SMAD2: variants seen among roughly 807,000 people sequenced by gnomAD.
SMAD2 encodes MAD homolog 2.
Under a neutral mutation model 64.4 loss-of-function variants are expected in SMAD2, and 8 were observed. The ratio of observed to expected loss-of-function variants is 0.12; its 90% CI spans 0.07 to 0.22. SMAD2 has a LOEUF of 0.22. Ranked by LOEUF, SMAD2 falls within the 10% of genes least tolerant of loss-of-function variation. The pLI is 1.00. For synonymous variants in SMAD2, 203 were observed against 195.8 expected, an observed-to-expected ratio of 1.04 and a Z score of -0.31; for missense variants, 289 against 561.2, an observed-to-expected ratio of 0.51 and a Z score of 4.90.
chr18:47,814,501 C>G lies in SMAD2; in HGVS notation c.*27326G>C, dbSNP rs1245378317. On this transcript the variant is annotated 3_prime_UTR_variant, in exon 11 of 11. Coordinates refer to ENST00000262160, the MANE Select transcript of SMAD2 (RefSeq NM_005901.6). Reference sequence around the variant, plus strand: ...TGAGAATACGATGTGAGAAGAGTCTCTTCATTAGGCAGGAGTGGAATGACT... The same window carrying G: ...TGAGAATACGATGTGAGAAGAGTCTGTTCATTAGGCAGGAGTGGAATGACT... 2.0e-5 allele frequency: 3 copies of G among 152,168 alleles called. No individual in the cohort carries two copies. Among genetic ancestry groups the G allele is most frequent in the Non-Finnish European group, 4.4e-5 (3 of 68,040 alleles). 9.4% of individuals were successfully genotyped at this position (152,168 alleles called of 1,614,324 possible).
rs537280990 is a variant in SMAD2 at position 47,849,423 on chromosome 18, G to A, written c.785-736C>T. On this transcript the variant is annotated intron_variant, in intron 7 of 10. Transcript: ENST00000262160. The stretch of plus-strand genomic sequence containing the variant: ...AATAAATTCCAAACATGTAACAACC[G>A]AAGAGAAATTGTGAAATAGGGTAAA... 1.3e-4 allele frequency among the ~76,000 whole-genome samples: 20 copies of A among 151,730 alleles called. No homozygotes were observed. The South Asian group carries it at 3.3e-3, about 25-fold the overall frequency.
intron 5 of SMAD2, among the ~76,000 whole-genome samples, chr18:47,866,191 C>T (rs1210513883): frequency 2.0e-5 from 3 of 151,604 alleles, no homozygotes; most frequent in Admixed American, 6.6e-5. Context: ...TGGTGCATCC[C>T]TATAATTCCA....
Position 47,827,689 on chromosome 18 carries a change from C to T in SMAD2, c.*14138G>A. ...TGGAGACGGGGTTTCGCCGTGTTGG[C>T]CAGGCTGGTCTCCAGCTCCTGACCG... On this transcript the variant is annotated 3_prime_UTR_variant, in exon 11 of 11. Transcript: ENST00000262160. 1 of 159,130 alleles carries T rather than the reference C, an allele frequency of 6.3e-6. No homozygotes were observed. The highest frequency in any genetic ancestry group is 1.7e-4 in the South Asian group (1 of 5,784). 9.9% of individuals were successfully genotyped at this position (159,130 alleles called of 1,614,324 possible). A position where few individuals can be genotyped will look rare whatever the true frequency, so the allele number is the denominator to read the frequency against.
rs1225510513 is a variant in SMAD2 at position 47,824,792 on chromosome 18, T to C, written c.*17035A>G. Reference sequence around the variant, plus strand: ...TTTAATTTCAAACACCAAACTTAAATAGACTAATAACACAGATCTTCTGTG... The same window carrying C: ...TTTAATTTCAAACACCAAACTTAAACAGACTAATAACACAGATCTTCTGTG... On this transcript the variant is annotated 3_prime_UTR_variant, in exon 11 of 11. Transcript: ENST00000262160. 6.6e-6 allele frequency: 1 copy of C among 152,188 alleles called. No individual in the cohort carries two copies. Among genetic ancestry groups the C allele is most frequent in the African/African-American group, 2.4e-5 (1 of 41,438 alleles). The allele number at this position is 152,188 out of a possible 1,614,324, so 9.4% of individuals were successfully genotyped here. A position where few individuals can be genotyped will look rare whatever the true frequency, so the allele number is the denominator to read the frequency against.
At chr18:47,857,023 A>G (rs920104219) in intron 6 of SMAD2, among the ~76,000 whole-genome samples, 2 of 151,620 alleles carry the variant, frequency 1.3e-5, no homozygotes, top group African/African-American at 4.8e-5. Context: ...ACGCCCGGCT[A>G]ATTTTTTGTA....
rs1787189 is a variant in SMAD2 at position 47,830,372 on chromosome 18, T to G, written c.*11455A>C. The G allele has an allele frequency of 0.56, 84,795 of 151,464 alleles. 24,101 individuals carry two copies. Among genetic ancestry groups the G allele is most frequent in the East Asian group, 0.82 (4,233 of 5,160 alleles). The allele number at this position is 151,464 out of a possible 1,614,324, so 9.4% of individuals were successfully genotyped here. On this transcript the variant is annotated 3_prime_UTR_variant, in exon 11 of 11. Transcript: ENST00000262160. ...CAGGCAAATCATCTGAGGTCAGGAG[T>G]TCAAGACCAGCCTGGCAAACATGGT... is the stretch of plus-strand genomic sequence containing the variant.
rs1168737037 is a variant in SMAD2, at chr18:47,835,066, G to C, written c.*6761C>G. The C allele has an allele frequency of 2.3e-5, 5 of 219,322 alleles. No individual in the cohort carries two copies. The highest frequency in any genetic ancestry group is 1.1e-4 in the African/African-American group (5 of 44,564). 13.6% of individuals were successfully genotyped at this position (219,322 alleles called of 1,614,324 possible). ...GCTGTGATCTAGTTCAACAACTGCA[G>C]AACTGTTCTCATCTTAATCGCTGTA... On this transcript the variant is annotated 3_prime_UTR_variant, in exon 11 of 11. Coordinates refer to ENST00000262160, the MANE Select transcript of SMAD2 (RefSeq NM_005901.6).
chr18:47,824,884 C>A lies in SMAD2; in HGVS notation c.*16943G>T, dbSNP rs1912693898. The A allele has an allele frequency of 6.6e-6, 1 of 152,216 alleles. No homozygotes were observed. The highest frequency in any genetic ancestry group is 1.5e-5 in the Non-Finnish European group (1 of 68,044). 9.4% of individuals were successfully genotyped at this position (152,216 alleles called of 1,614,324 possible). On this transcript the variant is annotated 3_prime_UTR_variant, in exon 11 of 11. Transcript: ENST00000262160. ...TTATGGCTTGCTGACTGGCTTACTG[C>A]ATTTTAGATTTTCCTTATGATTTTA... is the stretch of plus-strand genomic sequence containing the variant.
intron 6 of SMAD2, among the ~76,000 whole-genome samples, chr18:47,855,341 A>G (rs1013111904): frequency 5.3e-5 from 8 of 152,190 alleles, no homozygotes; most frequent in African/African-American, 1.9e-4. Context: ...TTTTGTGTAG[A>G]CCTAAGTTTT....
chr18:47,873,285 G>A (rs1249327107), intron 2 of SMAD2, among the ~76,000 whole-genome samples: 1 of 151,932 alleles, frequency 6.6e-6, no homozygotes, highest in Non-Finnish European at 1.5e-5. Flanking sequence ...ACTATACAAA[G>A]AAACATTTTA....
At chr18:47,877,615 T>A (rs1367834284) in intron 2 of SMAD2, among the ~76,000 whole-genome samples, 1 of 152,186 alleles carries the variant, frequency 6.6e-6, no homozygotes, top group Admixed American at 6.5e-5. Flanking sequence ...GAAAACAATG[T>A]GACTACTTTG....
At chr18:47,924,868 T>G (rs2034702329) in intron 1 of SMAD2, among the ~76,000 whole-genome samples, 1 of 152,252 alleles carries the variant, frequency 6.6e-6, no homozygotes, top group Non-Finnish European at 1.5e-5. Flanking sequence ...TGGAAGTAGC[T>G]GAAGCAGCAT....
intron 2 of SMAD2, among the ~76,000 whole-genome samples, chr18:47,885,462 C>T (rs932546237): frequency 6.6e-6 from 1 of 152,064 alleles, no homozygotes; most frequent in Admixed American, 6.6e-5. Flanking sequence ...GCCACCGTGT[C>T]TGGCCAATAT....
chr18:47,866,316 C>CAAAAAAAAAAAAAAAAAAAAAAAAAAAA (rs34302955), intron 5 of SMAD2, among the ~76,000 whole-genome samples: 1 of 42,100 alleles, frequency 2.4e-5, no homozygotes, highest in African/African-American at 1.0e-4. Flanking sequence ...AACACCGTCT[C>CAAAAAAAAAAAAAAAAAAAAAAAAAAAA]AAAAAAAAAA....
chr18:47,843,663 G>A (rs1345802696), intron 10 of SMAD2, among the ~76,000 whole-genome samples: 1 of 152,146 alleles, frequency 6.6e-6, no homozygotes, highest in East Asian at 1.9e-4. Flanking sequence ...CAGATAGATG[G>A]ATATTTGCCA....
chr18:47,889,113 G>GA (rs1008412182), intron 2 of SMAD2, among the ~76,000 whole-genome samples: 6 of 151,434 alleles, frequency 4.0e-5, no homozygotes, highest in Non-Finnish European at 8.8e-5. Context: ...AAGAGAAAAA[G>GA]AAAAAAAAGG....
intron 7 of SMAD2, among the ~76,000 whole-genome samples, chr18:47,850,374 TATATATATTATATAATATATA>T (rs1915146881): frequency 4.3e-5 from 1 of 23,148 alleles, no homozygotes. Flanking sequence ...TAATATATAT[TATATATATTATATAATATATA>T]TTATATATTA....
At position 47,870,250 on chromosome 18, in the gene SMAD2, A is replaced by G. The variant is rs190149815; in HGVS notation, c.326+225T>C. Among the ~76,000 whole-genome samples the G allele has an allele frequency of 1.3e-5, 2 of 152,300 alleles. 1 individual carries two copies. Among genetic ancestry groups the G allele is most frequent in the Admixed American group, 1.3e-4 (2 of 15,302 alleles). ...AAAATTATTATTCTTTAGGGGATAC[A>G]GTAATTTAAAGAAGATTCAAACTAG... On this transcript the variant is annotated intron_variant, in intron 3 of 10. Transcript: ENST00000262160.
In SMAD2 at chr18:47,825,053, C is replaced by T. The variant is rs897461367; in HGVS notation, c.*16774G>A. 7 of 152,198 alleles carry T rather than the reference C, an allele frequency of 4.6e-5. No individual in the cohort carries two copies. The East Asian group carries it at 9.7e-4, about 21-fold the overall frequency. The allele number at this position is 152,198 out of a possible 1,614,324, so 9.4% of individuals were successfully genotyped here. A position where few individuals can be genotyped will look rare whatever the true frequency, so the allele number is the denominator to read the frequency against. ...GGAATCTGGGTGATTTTTTAAAGTCCCATCCACTGGGCTGCCAGTAAAAGA... is the reference window on the plus strand; with the variant it reads ...GGAATCTGGGTGATTTTTTAAAGTCTCATCCACTGGGCTGCCAGTAAAAGA... On this transcript the variant is annotated 3_prime_UTR_variant, in exon 11 of 11. Transcript: ENST00000262160.
Sources: allele counts gnomAD v4.1 joint callset (sites outside exome capture counted in the v4.1 genomes callset), GRCh38; gene constraint gnomAD v4.1.1; transcripts MANE v1.5; gene names NCBI Gene and HGNC (gene_info 2026-07-23, HGNC 2026-07-21).